The following HMG20B variants were observed in gnomAD, a reference collection of about 807,000 sequenced individuals.
The protein encoded by HMG20B is SWI/SNF-related matrix-associated actin-dependent regulator of chromatin subfamily E member 1-related.
Under a neutral mutation model 41.6 loss-of-function variants are expected in HMG20B, and 24 were observed. That is an observed-to-expected ratio of 0.58 (90% CI 0.42 to 0.81). The LOEUF (loss-of-function observed/expected upper bound fraction) is 0.81, where lower values mean the gene tolerates loss of function less well. HMG20B is among the 30% of genes least tolerant of loss of function. The pLI, the probability that HMG20B is intolerant of heterozygous loss-of-function variation, is 0.00. For synonymous variants in HMG20B, 251 were observed against 186.6 expected (o/e 1.34, Z -2.81); for missense variants, 461 against 444.0 (o/e 1.04, Z -0.34).
At chr19:3,573,399 C>A in intron 2 of HMG20B, 52 bp downstream of exon 2, 1 of 1,478,178 alleles carries the variant, frequency 6.8e-7, no homozygotes, top group Non-Finnish European at 9.0e-7. Flanking sequence ...CGGCTGCAGC[C>A]CTAGCTCCTG....
chr19:3,573,712 C>T lies in HMG20B; in HGVS notation c.59C>T (p.Pro20Leu). 1.3e-6 allele frequency: 2 copies of T among 1,512,668 alleles called. No individual in the cohort carries two copies. Among genetic ancestry groups the T allele is most frequent in the Non-Finnish European group, 1.8e-6 (2 of 1,135,776 alleles). The allele number at this position is 1,512,668 out of a possible 1,614,324, so 93.7% of individuals were successfully genotyped here. A position where few individuals can be genotyped will look rare whatever the true frequency, so the allele number is the denominator to read the frequency against. ...TCCAGGCCGGCGGGCGGCAAGGCTC[C>T]GGGCCAGCATGGGGGCTTCGTGGTG... ...AAAAPAGGKAPGQHGGFVVTV... is the reference protein window; with the variant it reads ...AAAAPAGGKALGQHGGFVVTV... Residue 20 changes from proline to leucine, a missense_variant, in exon 3 of 10, where the codon CCG becomes CTG. Pro to Leu is a moderately conservative substitution (Grantham distance 98). This residue lies in a region of HMG20B where 104 missense variants were observed against 76.5 expected (regional missense o/e 1.36). Coordinates refer to ENST00000333651, the MANE Select transcript of HMG20B (RefSeq NM_006339.3).
intron 8 of HMG20B, 118 bp downstream of exon 8, chr19:3,577,225 T>A: frequency 9.0e-6 from 6 of 668,732 alleles, no homozygotes; most frequent in Non-Finnish European, 9.3e-6. Context: ...CCCCGTCCCC[T>A]CTTCCCCAGT....
At chr19:3,578,292 A>T in intron 9 of HMG20B, 179 bp downstream of exon 9, 1 of 1,134,304 alleles carries the variant, frequency 8.8e-7, no homozygotes, top group South Asian at 1.6e-5. Flanking sequence ...GCCATGGAGA[A>T]CCCCGGGCCG....
rs1289270642 is a variant in HMG20B at position 3,578,559 on chromosome 19, G to A, written c.*38G>A. 2 of 1,560,108 alleles carry A rather than the reference G, an allele frequency of 1.3e-6. No homozygotes were observed. Among genetic ancestry groups the A allele is most frequent in the African/African-American group, 1.4e-5 (1 of 73,574 alleles). ...CCCACGATGCAGAGGAGAAGCTGTG[G>A]GCGCGGCCCTGCCACACCCCACCCC... is the stretch of plus-strand genomic sequence containing the variant. On this transcript the variant is annotated 3_prime_UTR_variant, in exon 10 of 10. Transcript: ENST00000333651.
intron 4 of HMG20B, 101 bp from the exon 5 acceptor site, chr19:3,575,439 G>A: frequency 1.3e-6 from 2 of 1,518,854 alleles, no homozygotes. Flanking sequence ...AGCTATAGAA[G>A]GTTCAGGAGA....
Position 3,574,442 on chromosome 19 carries a change from G to A in HMG20B, c.207G>A (p.Gly69=), listed in dbSNP as rs1224293080. Residue 69 remains glycine (G), a synonymous_variant, in exon 4 of 10, where the codon GGG becomes GGA. Transcript: ENST00000333651. Reference sequence around the variant, plus strand: ...AGCGGAAGAAGATTCTGCCGAATGGGCCCAAGGCACCGGTCACGGGCTACG... The same window carrying A: ...AGCGGAAGAAGATTCTGCCGAATGGACCCAAGGCACCGGTCACGGGCTACG... The part of the protein sequence containing the change: ...GKKRKKILPN[G]PKAPVTGYVR... The A allele has an allele frequency of 3.7e-6, 6 of 1,608,848 alleles. No homozygotes were observed. Among genetic ancestry groups the A allele is most frequent in the Non-Finnish European group, 5.1e-6 (6 of 1,178,340 alleles).
intron 7 of HMG20B, 122 bp downstream of exon 7, chr19:3,576,747 C>T (rs897919224): frequency 3.0e-5 from 37 of 1,233,974 alleles, no homozygotes; most frequent in Non-Finnish European, 4.1e-5. Flanking sequence ...AGCGTCCAGG[C>T]GCACGCTGTC....
At position 3,578,117 on chromosome 19, in the gene HMG20B, T is replaced by G; in HGVS notation, c.941+4T>G. The G allele has an allele frequency of 1.2e-6, 2 of 1,609,924 alleles. No individual in the cohort carries two copies. Among genetic ancestry groups the G allele is most frequent in the Non-Finnish European group, 1.7e-6 (2 of 1,178,748 alleles). ...AAATCCTGGCCCAGGTCGCCAGGTG[T>G]GTGCCGGGCGAGGCGGGGCGGGGCC... On this transcript the variant is annotated splice_donor_region_variant and intron_variant, in intron 9 of 9. Transcript: ENST00000333651.
chr19:3,578,111 C>T lies in HMG20B; in HGVS notation c.939C>T (p.Ala313=), dbSNP rs1180196686. ...VRIKEILAQV[A]SEHL is the part of the protein sequence containing the mutation. ...TCAAGGAAATCCTGGCCCAGGTCGC[C>T]AGGTGTGTGCCGGGCGAGGCGGGGC... The change falls in exon 9 of 10, where the codon GCC becomes GCT. Residue 313 remains alanine (A), a splice_region_variant and synonymous_variant. Transcript: ENST00000333651. 1 of 1,610,622 alleles carries T rather than the reference C, an allele frequency of 6.2e-7. No individual in the cohort carries two copies. Among genetic ancestry groups the T allele is most frequent in the Non-Finnish European group, 8.5e-7 (1 of 1,179,122 alleles).
At chr19:3,574,831 G>A (rs1303326138) in intron 4 of HMG20B, among the ~76,000 whole-genome samples, 1 of 151,336 alleles carries the variant, frequency 6.6e-6, no homozygotes, top group Non-Finnish European at 1.5e-5. Flanking sequence ...CAATTCTCCT[G>A]TCTCAGCCTC....
intron 2 of HMG20B, 109 bp from the exon 3 acceptor site, chr19:3,573,583 A>C: frequency 9.5e-7 from 1 of 1,053,896 alleles, no homozygotes; most frequent in Non-Finnish European, 1.3e-6. Flanking sequence ...CCTCGGGCTC[A>C]TGCACTCTCG....
chr19:3,573,758 C>T lies in HMG20B; in HGVS notation c.105C>T (p.Gly35=). ...TGGTGACTGTCAAGCAAGAGCGCGG[C>T]GAGGGTCCACGCGCGGGCGAGAAGG... ...GFVVTVKQER[G]EGPRAGEKGS... Residue 35 remains glycine (G), a synonymous_variant, in exon 3 of 10, where the codon GGC becomes GGT. Transcript: ENST00000333651. 1 of 1,555,226 alleles carries T rather than the reference C, an allele frequency of 6.4e-7. No individual in the cohort carries two copies. The highest frequency in any genetic ancestry group is 8.7e-7 in the Non-Finnish European group (1 of 1,154,944).
chr19:3,574,556 G>T lies in HMG20B; in HGVS notation c.321G>T (p.Glu107Asp). The T allele has an allele frequency of 6.2e-7, 1 of 1,603,360 alleles. No homozygotes were observed. The highest frequency in any genetic ancestry group is 8.5e-7 in the Non-Finnish European group (1 of 1,176,742). The change falls in exon 4 of 10, where the codon GAG (glutamate) becomes GAT (aspartate). Residue 107 changes from glutamate (E) to aspartate (D), a missense_variant. Glu to Asp is a conservative substitution (Grantham distance 45, BLOSUM62 2). This residue lies in a region of HMG20B where 308 missense variants were observed against 283.4 expected (regional missense o/e 1.09). Transcript: ENST00000333651. ...FPEITKMLGA[E>D]WSKLQPTEKQ... Reference sequence around the variant, plus strand: ...AGATCACCAAGATGCTGGGCGCCGAGTGGAGCAAGCTGCAGCCAACGGAAA... The same window carrying T: ...AGATCACCAAGATGCTGGGCGCCGATTGGAGCAAGCTGCAGCCAACGGAAA...
In HMG20B at chr19:3,577,621, C is replaced by T. The variant is rs1177691342; in HGVS notation, c.809-360C>T. ...CCCCACCTCCCCACGCCCCCGTCAC[C>T]CATCCCTCCCCACGCCCCGCTGACG... On this transcript the variant is annotated intron_variant, in intron 8 of 9. Coordinates refer to ENST00000333651, the MANE Select transcript of HMG20B (RefSeq NM_006339.3). Among the ~76,000 whole-genome samples the T allele has an allele frequency of 3.1e-5, 4 of 130,912 alleles. No individual in the cohort carries two copies. The Admixed American group carries it at 3.1e-4, about 10-fold the overall frequency. 85.9% of individuals were successfully genotyped at this position (130,912 alleles called of 152,430 possible). A position where few individuals can be genotyped will look rare whatever the true frequency, so the allele number is the denominator to read the frequency against.
chr19:3,575,459 G>A, intron 4 of HMG20B, 81 bp from the exon 5 acceptor site: 3 of 1,539,446 alleles, frequency 1.9e-6, no homozygotes, highest in Non-Finnish European at 2.6e-6. Context: ...AGGGGAGGGT[G>A]CTGTGAAAGC....
intron 9 of HMG20B, 125 bp downstream of exon 9, chr19:3,578,238 A>G: frequency 1.4e-6 from 2 of 1,382,918 alleles, no homozygotes; most frequent in Non-Finnish European, 2.0e-6. Flanking sequence ...CACCTCCCGG[A>G]GGGGCCTACC....
chr19:3,577,128 C>G (rs749251507), intron 8 of HMG20B, 21 bp downstream of exon 8: 2 of 1,461,910 alleles, frequency 1.4e-6, no homozygotes, highest in South Asian at 2.7e-5. Context: ...CGCCCATCTC[C>G]CAGTCCCGCC....
intron 6 of HMG20B, 112 bp downstream of exon 6, chr19:3,576,419 A>T: frequency 7.5e-7 from 1 of 1,340,756 alleles, no homozygotes; most frequent in Non-Finnish European, 1.1e-6. Context: ...GGGCGGTGCC[A>T]CTGCACCGTG....
chr19:3,573,238 T>C, intron 1 of HMG20B, 54 bp from the exon 2 acceptor site: 1 of 1,418,442 alleles, frequency 7.0e-7, no homozygotes, highest in Non-Finnish European at 9.4e-7. Context: ...CAGTTCGCGG[T>C]CTGCCATCGG....
Sources: gnomAD v4.1 joint callset for allele counts (sites outside exome capture counted in the v4.1 genomes callset) on GRCh38, gnomAD v4.1.1 for gene constraint, gnomAD v4.1.1 regional missense constraint, MANE v1.5 for transcripts, NCBI Gene and HGNC (gene_info 2026-07-23, HGNC 2026-07-21) for gene names.